NAALADL2: variants seen among roughly 807,000 people sequenced by gnomAD.
The protein encoded by NAALADL2 is N-acetylated alpha-linked acidic dipeptidase like 2.
NAALADL2 carries 76 observed loss-of-function variants against 87.2 expected under a neutral mutation model. The observed-to-expected ratio is 0.87, with a 90% CI of 0.72 to 1.05. The LOEUF is 1.05. Ranked by LOEUF, NAALADL2 falls within the 50% of genes least tolerant of loss-of-function variation. NAALADL2 has a pLI of 0.00. For synonymous variants in NAALADL2, 354 were observed against 331.0 expected (o/e 1.07, Z -0.75); for missense variants, 1,089 against 945.8 (o/e 1.15, Z -1.99).
At chr3:175,250,224 G>A (rs1471293546) in intron 3 of NAALADL2, among the ~76,000 whole-genome samples, 2 of 148,572 alleles carry the variant, frequency 1.3e-5, no homozygotes, top group African/African-American at 2.5e-5. Flanking sequence ...ATACCTGAGA[G>A]TTTGCTCTCT....
intron 6 of NAALADL2, among the ~76,000 whole-genome samples, chr3:175,457,441 C>T (rs924396308): frequency 5.3e-5 from 8 of 152,110 alleles, no homozygotes; most frequent in Non-Finnish European, 1.0e-4. Flanking sequence ...CAAACCACTG[C>T]TACCTTTAGC....
At chr3:175,072,766 C>T (rs1365561819) in intron 1 of NAALADL2, among the ~76,000 whole-genome samples, 1 of 149,592 alleles carries the variant, frequency 6.7e-6, no homozygotes, top group African/African-American at 2.5e-5. Flanking sequence ...TGCAGCACAC[C>T]AACATGGCAC....
intron 1 of NAALADL2, among the ~76,000 whole-genome samples, chr3:175,052,552 C>T (rs531069146): frequency 2.0e-4 from 31 of 152,172 alleles, no homozygotes; most frequent in Non-Finnish European, 3.4e-4. Flanking sequence ...AATCCCAGAG[C>T]TTCCAAGTGT....
intron 13 of NAALADL2, among the ~76,000 whole-genome samples, chr3:175,800,284 C>A (rs1753996200): frequency 6.6e-6 from 1 of 151,830 alleles, no homozygotes; most frequent in Admixed American, 6.6e-5. Context: ...TTGCTCACAA[C>A]CCTCTTGCTA....
intron 11 of NAALADL2, among the ~76,000 whole-genome samples, chr3:175,730,339 A>G (rs924618711): frequency 6.3e-5 from 9 of 142,714 alleles, no homozygotes; most frequent in African/African-American, 2.3e-4. Flanking sequence ...TTTGGCCTGT[A>G]GTAATTTTAG....
At chr3:174,465,038 CTAAAG>C (rs1474952145) in intron 1 of NAALADL2, among the ~76,000 whole-genome samples, 3 of 151,908 alleles carry the variant, frequency 2.0e-5, no homozygotes, top group African/African-American at 7.3e-5. Context: ...GCTTTAATGA[CTAAAG>C]TATATTGGTA....
At chr3:175,598,997 A>G (rs1483962431) in intron 10 of NAALADL2, among the ~76,000 whole-genome samples, 1 of 152,114 alleles carries the variant, frequency 6.6e-6, no homozygotes, top group African/African-American at 2.4e-5. Flanking sequence ...CTTTTATTCA[A>G]CAATGTGAAG....
rs201738470 is a variant in NAALADL2 at position 175,634,817 on chromosome 3, T to TA, written c.1896+7438dup. The stretch of plus-strand genomic sequence containing the variant: ...TCTGAAGCTATGAATTTAGAGCTTT[T>TA]AAAAAAATTCAATTTTTTTCCGCTA... On this transcript the variant is annotated intron_variant, in intron 11 of 13. Coordinates refer to ENST00000454872, the MANE Select transcript of NAALADL2 (RefSeq NM_207015.3). Among the ~76,000 whole-genome samples the TA allele has an allele frequency of 6.7e-3, 1,024 of 152,126 alleles. 9 individuals carry two copies. Among genetic ancestry groups the TA allele is most frequent in the African/African-American group, 0.024 (983 of 41,554 alleles).
At chr3:174,704,054 T>G (rs1268751145) in intron 2 of NAALADL2, among the ~76,000 whole-genome samples, 3 of 152,212 alleles carry the variant, frequency 2.0e-5, no homozygotes, top group Non-Finnish European at 4.4e-5. Flanking sequence ...TAACAATATT[T>G]ATTCTAACGG....
At chr3:174,801,750 T>G (rs1439371969) in intron 3 of NAALADL2, among the ~76,000 whole-genome samples, 3 of 150,862 alleles carry the variant, frequency 2.0e-5, no homozygotes, top group Non-Finnish European at 4.4e-5. Flanking sequence ...TTAATATGAT[T>G]ATATAATTTT....
chr3:174,985,483 C>A (rs959791946), intron 1 of NAALADL2, among the ~76,000 whole-genome samples: 1 of 152,150 alleles, frequency 6.6e-6, no homozygotes, highest in Non-Finnish European at 1.5e-5. Context: ...CACAATCTCC[C>A]TGGAATCTTG....
chr3:174,567,511 T>C (rs898466780), intron 2 of NAALADL2, among the ~76,000 whole-genome samples: 2 of 151,642 alleles, frequency 1.3e-5, no homozygotes, highest in Non-Finnish European at 3.0e-5. Context: ...TTTTAGTGCA[T>C]ATTAAGTATC....
At chr3:175,020,661 C>T (rs560559079) in intron 1 of NAALADL2, among the ~76,000 whole-genome samples, 10 of 152,152 alleles carry the variant, frequency 6.6e-5, no homozygotes, top group South Asian at 4.1e-4. Flanking sequence ...TTTTCAACAA[C>T]AATATAGACT....
chr3:175,712,284 A>G (rs555630588), intron 11 of NAALADL2, among the ~76,000 whole-genome samples: 9 of 152,194 alleles, frequency 5.9e-5, no homozygotes, highest in Non-Finnish European at 1.3e-4. Flanking sequence ...TTACATTTAT[A>G]TCATCCGTCT....
intron 11 of NAALADL2, among the ~76,000 whole-genome samples, chr3:175,723,670 A>C (rs1742540222): frequency 6.6e-6 from 1 of 152,134 alleles, no homozygotes; most frequent in Non-Finnish European, 1.5e-5. Flanking sequence ...ATATAAATAG[A>C]ATATCTTTCT....
intron 2 of NAALADL2, among the ~76,000 whole-genome samples, chr3:175,099,811 A>C (rs1721811741): frequency 1.3e-5 from 2 of 152,182 alleles, no homozygotes; most frequent in Non-Finnish European, 2.9e-5. Flanking sequence ...AGACTCTATA[A>C]GAGAATGGAC....
chr3:174,930,748 A>G (rs1032394343), intron 1 of NAALADL2, among the ~76,000 whole-genome samples: 2 of 150,290 alleles, frequency 1.3e-5, no homozygotes, highest in South Asian at 4.3e-4. Flanking sequence ...CAGCCTCCCA[A>G]ATAGCTGGGA....
chr3:175,601,702 G>T (rs1305979670), intron 10 of NAALADL2, among the ~76,000 whole-genome samples: 1 of 152,162 alleles, frequency 6.6e-6, no homozygotes, highest in Non-Finnish European at 1.5e-5. Flanking sequence ...CCACACAGTA[G>T]CTGACCCATG....
intron 2 of NAALADL2, among the ~76,000 whole-genome samples, chr3:175,182,802 AT>A (rs965658029): frequency 1.3e-5 from 2 of 151,948 alleles, no homozygotes; most frequent in Non-Finnish European, 2.9e-5. Context: ...ATACAAAAAA[AT>A]AATTGCCTAG....
Sources: allele counts gnomAD v4.1 joint callset (sites outside exome capture counted in the v4.1 genomes callset), GRCh38; gene constraint gnomAD v4.1.1; transcripts MANE v1.5; gene names NCBI Gene and HGNC (gene_info 2026-07-23, HGNC 2026-07-21).